WDR59: variants seen among roughly 807,000 people sequenced by gnomAD.
The protein encoded by WDR59 is WD repeat domain 59.
A neutral mutation model predicts 131.2 loss-of-function variants in WDR59; 100 were observed. The observed-to-expected ratio is 0.76, with a 90% confidence interval of 0.65 to 0.90. WDR59 has a LOEUF of 0.90. WDR59 is among the 40% of genes least tolerant of loss of function. The probability of loss-of-function intolerance (pLI) is 0.00; values close to 1 mark genes in which losing one functional copy is unlikely to be tolerated. For missense variants in WDR59, 1,203 were observed against 1,262.2 expected (o/e 0.95, Z 0.71); for synonymous variants, 601 against 466.2 (o/e 1.29, Z -3.72).
At chr16:74,964,377 C>G (rs923387291) in intron 2 of WDR59, among the ~76,000 whole-genome samples, 1 of 57,154 alleles carries the variant, frequency 1.7e-5, no homozygotes, top group African/African-American at 1.1e-4. Flanking sequence ...GAAACATCAT[C>G]TCAAAAAAAA....
intron 1 of WDR59, among the ~76,000 whole-genome samples, chr16:74,966,403 G>A (rs1367190519): frequency 2.0e-5 from 3 of 151,974 alleles, no homozygotes; most frequent in Admixed American, 1.3e-4. Context: ...TCGCTTGAAC[G>A]TGGGAGGTGG....
intron 1 of WDR59, among the ~76,000 whole-genome samples, chr16:74,981,948 G>A (rs1218427170): frequency 1.9e-4 from 23 of 121,324 alleles, no homozygotes; most frequent in African/African-American, 5.6e-4. Context: ...GAGCCACCAC[G>A]CCTGGCCATA....
At chr16:74,907,887 G>A (rs868814622) in intron 17 of WDR59, among the ~76,000 whole-genome samples, 1 of 152,162 alleles carries the variant, frequency 6.6e-6, no homozygotes, top group Non-Finnish European at 1.5e-5. Context: ...ACTGTTGAAG[G>A]AACTGAAGCT....
intron 17 of WDR59, among the ~76,000 whole-genome samples, chr16:74,905,902 C>A (rs112247512): frequency 3.9e-5 from 6 of 151,964 alleles, no homozygotes; most frequent in Middle Eastern, 3.4e-3. Flanking sequence ...AGATACAGTT[C>A]CCCCAAAATG....
intron 1 of WDR59, among the ~76,000 whole-genome samples, chr16:74,980,159 T>C (rs1428076367): frequency 1.3e-5 from 2 of 148,844 alleles, no homozygotes; most frequent in African/African-American, 2.5e-5. Context: ...ATGCCTGGCC[T>C]AAGTTTTCTT....
chr16:74,959,669 C>A, intron 2 of WDR59: 1 of 359,440 alleles, frequency 2.8e-6, no homozygotes, highest in Non-Finnish European at 5.3e-6. Flanking sequence ...GTACTCCCAG[C>A]TACTGAGAAG....
chr16:74,872,533 C>A lies in WDR59; in HGVS notation c.*1676G>T, dbSNP rs1354733269. 1 of 147,036 alleles carries A rather than the reference C, an allele frequency of 6.8e-6. No homozygotes were observed. The highest frequency in any genetic ancestry group is 2.5e-5 in the African/African-American group (1 of 39,602). The allele number at this position is 147,036 out of a possible 1,614,324, so 9.1% of individuals were successfully genotyped here. Reference sequence around the variant, plus strand: ...TATGATTGCATCACCACTCTCCAGTCTGGGTGACAGAGTGAGACCCTGTCT... The same window carrying A: ...TATGATTGCATCACCACTCTCCAGTATGGGTGACAGAGTGAGACCCTGTCT... On this transcript the variant is annotated 3_prime_UTR_variant, in exon 26 of 26. Transcript: ENST00000262144.
At chr16:74,968,771 T>C (rs1302850958) in intron 1 of WDR59, among the ~76,000 whole-genome samples, 1 of 151,792 alleles carries the variant, frequency 6.6e-6, no homozygotes, top group East Asian at 1.9e-4. Flanking sequence ...CTATCATAAC[T>C]CACCCATATC....
Position 74,938,151 on chromosome 16 carries a change from T to C in WDR59, c.650A>G (p.Lys217Arg). 1 of 1,532,618 alleles carries C rather than the reference T, an allele frequency of 6.5e-7. No individual in the cohort carries two copies. Among genetic ancestry groups the C allele is most frequent in the Non-Finnish European group, 8.8e-7 (1 of 1,139,410 alleles). The allele number at this position is 1,532,618 out of a possible 1,614,324, so 94.9% of individuals were successfully genotyped here. The change falls in exon 8 of 26, where the codon AAG (lysine) becomes AGG (arginine). Residue 217 changes from lysine (K) to arginine (R), a missense_variant and splice_region_variant. Coordinates refer to ENST00000262144, the MANE Select transcript of WDR59 (RefSeq NM_030581.4). The stretch of plus-strand genomic sequence containing the variant: ...AACTTCCCCATGGGTGCCACTGACC[T>C]TCACAGAATTGTCTTGACTGGAGGT... ...LATSSQDNSV[K>R]FWDYRQPRKY...
intron 8 of WDR59, among the ~76,000 whole-genome samples, chr16:74,928,064 C>T (rs191003020): frequency 4.3e-4 from 66 of 151,856 alleles, no homozygotes; most frequent in Non-Finnish European, 7.4e-4. Context: ...TGCACCACCA[C>T]GCCCAGCTAA....
chr16:74,962,778 T>C (rs2033614563), intron 2 of WDR59: 1 of 151,890 alleles, frequency 6.6e-6, no homozygotes, highest in African/African-American at 2.4e-5. Context: ...TTTTTTCTTT[T>C]TTTTTTTCTC....
chr16:74,887,685 A>G lies in WDR59; in HGVS notation c.2417T>C (p.Ile806Thr). The change falls in exon 23 of 26, where the codon ATA becomes ACA. Residue 806 changes from isoleucine (I) to threonine (T), a missense_variant and splice_region_variant. Physicochemically the swap from Ile to Thr is moderately conservative, Grantham distance 89 (BLOSUM62 -1). Transcript: ENST00000262144. Reference sequence around the variant, plus strand: ...GGCTAAGTCATTTCCATACAAACCTATGTTCCAGCCGCCAGTGTTGAGCCC... The same window carrying G: ...GGCTAAGTCATTTCCATACAAACCTGTGTTCCAGCCGCCAGTGTTGAGCCC... ...DPGLNTGGWNIAGREAEHLSS... is the reference protein window; with the variant it reads ...DPGLNTGGWNTAGREAEHLSS... The G allele has an allele frequency of 3.1e-6, 5 of 1,614,064 alleles. No individual in the cohort carries two copies. Among genetic ancestry groups the G allele is most frequent in the African/African-American group, 1.3e-5 (1 of 75,058 alleles).
chr16:74,920,293 C>G (rs543770907), intron 10 of WDR59, among the ~76,000 whole-genome samples: 61 of 151,888 alleles, frequency 4.0e-4, no homozygotes, highest in Non-Finnish European at 1.0e-4. Flanking sequence ...ATAAAATAGG[C>G]TTTGTATTAG....
At chr16:74,979,568 C>T (rs2034317896) in intron 1 of WDR59, among the ~76,000 whole-genome samples, 1 of 151,574 alleles carries the variant, frequency 6.6e-6, no homozygotes, top group African/African-American at 2.4e-5. Context: ...CAGATGGAGT[C>T]TCGCTCTTGT....
intron 6 of WDR59, among the ~76,000 whole-genome samples, 197 bp downstream of exon 6, chr16:74,948,322 T>C (rs972036932): frequency 1.3e-5 from 2 of 152,244 alleles, no homozygotes; most frequent in African/African-American, 4.8e-5. Flanking sequence ...GTCCTAACTG[T>C]GGCTTCTGGG....
intron 1 of WDR59, chr16:74,984,747 T>C: frequency 3.3e-6 from 2 of 613,484 alleles, no homozygotes; most frequent in South Asian, 3.9e-5. Flanking sequence ...CCTACCCGCG[T>C]AGGGAGCCCC....
chr16:74,915,218 C>A (rs1420220141), intron 13 of WDR59, among the ~76,000 whole-genome samples: 1 of 152,098 alleles, frequency 6.6e-6, no homozygotes, highest in South Asian at 2.1e-4. Flanking sequence ...CAACTCTGTC[C>A]CCAACTTCAG....
At chr16:74,920,237 T>C (rs2030063260) in intron 10 of WDR59, among the ~76,000 whole-genome samples, 1 of 152,164 alleles carries the variant, frequency 6.6e-6, no homozygotes, top group Non-Finnish European at 1.5e-5. Flanking sequence ...TTTAACATAA[T>C]GCACAGTATT....
At chr16:74,875,027 C>G (rs1387148338) in intron 25 of WDR59, among the ~76,000 whole-genome samples, 1 of 152,248 alleles carries the variant, frequency 6.6e-6, no homozygotes, top group Non-Finnish European at 1.5e-5. Context: ...TCTGATGCCT[C>G]TTCCCACCCC....
Sources: gnomAD v4.1 joint callset for allele counts (sites outside exome capture counted in the v4.1 genomes callset) on GRCh38, gnomAD v4.1.1 for gene constraint, MANE v1.5 for transcripts, NCBI Gene and HGNC (gene_info 2026-07-23, HGNC 2026-07-21) for gene names.